The following NLK variants were observed in gnomAD, a reference collection of about 807,000 sequenced individuals.
The protein encoded by NLK is serine/threonine-protein kinase NLK.
Under a neutral mutation model 59.0 loss-of-function variants are expected in NLK, and 11 were observed. The observed-to-expected ratio is 0.19, with a 90% CI of 0.12 to 0.31. The LOEUF is 0.31. Ranked by LOEUF, NLK falls within the 10% of genes least tolerant of loss-of-function variation. NLK has a pLI of 1.00. For synonymous variants in NLK, 235 were observed against 235.9 expected, an observed-to-expected ratio of 1.00 and a Z score of 0.03; for missense variants, 410 against 661.1, an observed-to-expected ratio of 0.62 and a Z score of 4.16.
At chr17:28,152,600 G>A (rs1002042629) in intron 3 of NLK, among the ~76,000 whole-genome samples, 3 of 152,004 alleles carry the variant, frequency 2.0e-5, no homozygotes, top group Admixed American at 2.0e-4. Context: ...AGATCTGGCT[G>A]ACATCCCATA....
chr17:28,169,105 C>T (rs1161081633), intron 6 of NLK, among the ~76,000 whole-genome samples: 8 of 152,072 alleles, frequency 5.3e-5, no homozygotes, highest in East Asian at 1.9e-4. Context: ...AGGCTGGTCT[C>T]GAACTCCTGA....
At chr17:28,067,443 C>A (rs1266995001) in intron 1 of NLK, among the ~76,000 whole-genome samples, 1 of 149,708 alleles carries the variant, frequency 6.7e-6, no homozygotes, top group Non-Finnish European at 1.5e-5. Context: ...ATGCATAAAA[C>A]AAATTAGAAC....
intron 1 of NLK, among the ~76,000 whole-genome samples, chr17:28,093,706 G>A (rs779074305): frequency 2.0e-5 from 3 of 152,296 alleles, no homozygotes; most frequent in Admixed American, 6.5e-5. Flanking sequence ...GGAGTTGTAC[G>A]TAACACGTGG....
chr17:28,101,520 T>A (rs762960626), intron 1 of NLK, among the ~76,000 whole-genome samples: 23 of 151,988 alleles, frequency 1.5e-4, no homozygotes, highest in Non-Finnish European at 3.2e-4. Flanking sequence ...TTTGTGAGTA[T>A]TTTTTTTGTG....
intron 1 of NLK, among the ~76,000 whole-genome samples, chr17:28,060,014 T>C (rs1909575825): frequency 6.6e-6 from 1 of 152,240 alleles, no homozygotes; most frequent in African/African-American, 2.4e-5. Context: ...TTATATAACA[T>C]AGTTTTTTAT....
chr17:28,145,875 T>C (rs1174068719), intron 3 of NLK, among the ~76,000 whole-genome samples: 1 of 152,036 alleles, frequency 6.6e-6, no homozygotes, highest in Non-Finnish European at 1.5e-5. Context: ...CTGGCTAATT[T>C]TTATATTTTT....
chr17:28,078,581 T>C (rs956703099), intron 1 of NLK, among the ~76,000 whole-genome samples: 4 of 152,178 alleles, frequency 2.6e-5, no homozygotes, highest in African/African-American at 9.7e-5. Context: ...CGTGTTCTCA[T>C]TGTAGTTAGT....
At chr17:28,143,368 T>G (rs1352787669) in intron 3 of NLK, among the ~76,000 whole-genome samples, 1 of 152,168 alleles carries the variant, frequency 6.6e-6, no homozygotes, top group Non-Finnish European at 1.5e-5. Flanking sequence ...AAAAAAGGAT[T>G]GTAGAACCTT....
chr17:28,081,053 C>CTT (rs1309645114), intron 1 of NLK, among the ~76,000 whole-genome samples: 2 of 144,388 alleles, frequency 1.4e-5, no homozygotes, highest in South Asian at 2.2e-4. Context: ...CCACACCTGG[C>CTT]TTTTTTTTTT....
rs117195273 is a variant in NLK, at chr17:28,059,206, A to G, written c.458+15875A>G. On this transcript the variant is annotated intron_variant, in intron 1 of 10. Coordinates refer to ENST00000407008, the MANE Select transcript of NLK (RefSeq NM_016231.5). ...CCCGATTTCTTCACACACTGGCGGAATTTTTATGAGAGGACACTTGTTATT... is the reference window on the plus strand; with the variant it reads ...CCCGATTTCTTCACACACTGGCGGAGTTTTTATGAGAGGACACTTGTTATT... Among the ~76,000 whole-genome samples, 15 of 152,150 alleles carry G rather than the reference A, an allele frequency of 9.9e-5. No individual in the cohort carries two copies. The East Asian group carries it at 2.9e-3, about 29-fold the overall frequency.
At chr17:28,055,661 G>T (rs1909416695) in intron 1 of NLK, among the ~76,000 whole-genome samples, 1 of 152,082 alleles carries the variant, frequency 6.6e-6, no homozygotes, top group African/African-American at 2.4e-5. Flanking sequence ...AGGATTAAAT[G>T]AATTATTATA....
chr17:28,157,667 TAAG>T (rs997587292), intron 3 of NLK, among the ~76,000 whole-genome samples: 10 of 152,146 alleles, frequency 6.6e-5, no homozygotes, highest in African/African-American at 1.2e-4. Context: ...AAAAAAAGAA[TAAG>T]AAGATAAATC....
At chr17:28,132,737 C>T (rs1206225522) in intron 3 of NLK, 62 bp downstream of exon 3, 1 of 1,380,486 alleles carries the variant, frequency 7.2e-7, no homozygotes, top group Non-Finnish European at 1.0e-6. Flanking sequence ...GTTCTTCTAG[C>T]ACCTTTTGGG....
At position 28,195,236 on chromosome 17, in the gene NLK, G is replaced by A. The variant is rs913944555; in HGVS notation, c.*600G>A. 2.0e-5 allele frequency: 3 copies of A among 152,114 alleles called. No individual in the cohort carries two copies. Among genetic ancestry groups the A allele is most frequent in the African/African-American group, 7.2e-5 (3 of 41,512 alleles). The allele number at this position is 152,114 out of a possible 1,614,324, so 9.4% of individuals were successfully genotyped here. ...TAGAGCCGTGATGGTGATGTGTGCT[G>A]TCTAAAATCCAATGTTGTGGGTAGA... On this transcript the variant is annotated 3_prime_UTR_variant, in exon 11 of 11. Coordinates refer to ENST00000407008, the MANE Select transcript of NLK (RefSeq NM_016231.5).
intron 1 of NLK, among the ~76,000 whole-genome samples, chr17:28,106,429 C>G (rs1905084440): frequency 1.3e-5 from 2 of 152,028 alleles, no homozygotes; most frequent in African/African-American, 4.8e-5. Context: ...TTCCTTATAA[C>G]AGGAAGACAA....
At chr17:28,140,205 A>G (rs1210109761) in intron 3 of NLK, among the ~76,000 whole-genome samples, 1 of 152,102 alleles carries the variant, frequency 6.6e-6, no homozygotes. Flanking sequence ...TTGAATGTTG[A>G]ACTAAGGAAA....
At chr17:28,064,174 CTTTTTTTTTTTTT>C (rs66949112) in intron 1 of NLK, among the ~76,000 whole-genome samples, 1 of 99,628 alleles carries the variant, frequency 1.0e-5, no homozygotes, top group East Asian at 3.4e-4. Context: ...AGTTAGCAAA[CTTTTTTTTTTTTT>C]TTTTTTTTTT....
intron 3 of NLK, among the ~76,000 whole-genome samples, chr17:28,156,312 A>G (rs1281562626): frequency 6.6e-6 from 1 of 152,200 alleles, no homozygotes; most frequent in African/African-American, 2.4e-5. Flanking sequence ...ATAACCAAAC[A>G]TCACATTATT....
chr17:28,113,843 C>G (rs1339378272), intron 1 of NLK, among the ~76,000 whole-genome samples: 1 of 152,152 alleles, frequency 6.6e-6, no homozygotes, highest in African/African-American at 2.4e-5. Context: ...CACCATTGTC[C>G]TCTCCTCCTG....
Sources: gnomAD v4.1 joint callset for allele counts (sites outside exome capture counted in the v4.1 genomes callset) on GRCh38, gnomAD v4.1.1 for gene constraint, MANE v1.5 for transcripts, NCBI Gene and HGNC (gene_info 2026-07-23, HGNC 2026-07-21) for gene names.